Variants in PRKD1 observed in about 807,000 individuals in gnomAD.
PRKD1 encodes the protein protein kinase D1, also known as serine/threonine-protein kinase D1.
Under a neutral mutation model 95.9 loss-of-function variants are expected in PRKD1, and 63 were observed. The observed-to-expected ratio is 0.66, with a 90% CI of 0.54 to 0.81. The LOEUF (loss-of-function observed/expected upper bound fraction) is 0.81, where lower values mean the gene tolerates loss of function less well. Among genes scored for constraint, PRKD1 ranks in the 30% least tolerant of loss-of-function variants. PRKD1 has a pLI of 0.00. For synonymous variants in PRKD1, 425 were observed against 423.1 expected (o/e 1.00, Z -0.05); for missense variants, 1,048 against 1,165.3 (o/e 0.90, Z 1.47).
chr14:29,617,328 T>C lies in PRKD1; in HGVS notation c.1905+6824A>G, dbSNP rs28710393. 5.2e-3 allele frequency among the ~76,000 whole-genome samples: 786 copies of C among 152,294 alleles called. 6 individuals carry two copies. Among genetic ancestry groups the C allele is most frequent in the African/African-American group, 0.018 (747 of 41,552 alleles). On this transcript the variant is annotated intron_variant, in intron 13 of 17. Transcript: ENST00000331968. ...GAGGGATTATAGGTGTGAGCTGGGA[T>C]TATAGGTGTGAGCTACTGTGCCCAG... is the stretch of plus-strand genomic sequence containing the variant.
intron 13 of PRKD1, among the ~76,000 whole-genome samples, chr14:29,600,217 C>A (rs1739873265): frequency 6.6e-6 from 1 of 152,056 alleles, no homozygotes; most frequent in African/African-American, 2.4e-5. Flanking sequence ...AGATGAAATT[C>A]ATACATGTAG....
intron 1 of PRKD1, among the ~76,000 whole-genome samples, chr14:29,767,375 A>G (rs1489922902): frequency 6.6e-6 from 1 of 152,186 alleles, no homozygotes; most frequent in African/African-American, 2.4e-5. Flanking sequence ...TATGCGGCTT[A>G]AATTATAAGG....
At chr14:29,609,255 A>C (rs2139041958) in intron 13 of PRKD1, among the ~76,000 whole-genome samples, 1 of 152,304 alleles carries the variant, frequency 6.6e-6, no homozygotes, top group African/African-American at 2.4e-5. Flanking sequence ...AGTAAGTTGA[A>C]GCATCTCCAT....
At chr14:29,818,236 T>C (rs1890770087) in intron 1 of PRKD1, among the ~76,000 whole-genome samples, 1 of 152,204 alleles carries the variant, frequency 6.6e-6, no homozygotes, top group Non-Finnish European at 1.5e-5. Flanking sequence ...TCTCAATTCA[T>C]GAGTTTAGCT....
At chr14:29,877,942 A>C (rs1893360455) in intron 1 of PRKD1, among the ~76,000 whole-genome samples, 1 of 152,240 alleles carries the variant, frequency 6.6e-6, no homozygotes, top group Non-Finnish European at 1.5e-5. Context: ...CATGAGGTAC[A>C]TATACACCAT....
At chr14:29,776,789 G>C (rs2139154930) in intron 1 of PRKD1, among the ~76,000 whole-genome samples, 1 of 152,234 alleles carries the variant, frequency 6.6e-6, no homozygotes, top group Middle Eastern at 3.4e-3. Flanking sequence ...AGGAAACACA[G>C]AGAACACCAC....
intron 8 of PRKD1, among the ~76,000 whole-genome samples, 184 bp downstream of exon 8, chr14:29,634,234 T>C (rs1880213507): frequency 6.6e-6 from 1 of 152,186 alleles, no homozygotes; most frequent in Admixed American, 6.5e-5. Flanking sequence ...TTTTCCTAAC[T>C]TCGTTGCTTG....
intron 1 of PRKD1, among the ~76,000 whole-genome samples, chr14:29,833,430 C>A (rs1193635933): frequency 6.6e-6 from 1 of 152,078 alleles, no homozygotes; most frequent in Non-Finnish European, 1.5e-5. Flanking sequence ...GGGGCACTTA[C>A]AGCAGCTATG....
intron 1 of PRKD1, among the ~76,000 whole-genome samples, chr14:29,735,825 A>T (rs1886685395): frequency 6.6e-6 from 1 of 152,244 alleles, no homozygotes. Context: ...AATGTAATAA[A>T]TAATTTGGTG....
At chr14:29,806,857 A>G (rs1890256849) in intron 1 of PRKD1, among the ~76,000 whole-genome samples, 1 of 152,164 alleles carries the variant, frequency 6.6e-6, no homozygotes. Context: ...TGCCAGGAAT[A>G]CATTGAACAT....
At chr14:29,648,898 C>T (rs2139169791) in intron 4 of PRKD1, among the ~76,000 whole-genome samples, 1 of 152,252 alleles carries the variant, frequency 6.6e-6, no homozygotes, top group South Asian at 2.1e-4. Flanking sequence ...TCGTGATCCG[C>T]CCGCCTTGGC....
intron 1 of PRKD1, chr14:29,751,244 T>C (rs1334950074): frequency 1.3e-5 from 2 of 152,228 alleles, no homozygotes; most frequent in African/African-American, 4.8e-5. Context: ...CCATCAGGTA[T>C]TTCCAATGCT....
At chr14:29,875,707 G>A (rs1893263232) in intron 1 of PRKD1, among the ~76,000 whole-genome samples, 1 of 152,142 alleles carries the variant, frequency 6.6e-6, no homozygotes, top group African/African-American at 2.4e-5. Flanking sequence ...GTAAGTTTAT[G>A]GTATCATAAG....
intron 1 of PRKD1, among the ~76,000 whole-genome samples, chr14:29,740,997 C>A (rs1886956767): frequency 6.6e-6 from 1 of 152,120 alleles, no homozygotes; most frequent in African/African-American, 2.4e-5. Context: ...AGCAAACTAA[C>A]ACAGGAACAG....
At chr14:29,800,034 A>G (rs1288359806) in intron 1 of PRKD1, among the ~76,000 whole-genome samples, 1 of 152,156 alleles carries the variant, frequency 6.6e-6, no homozygotes, top group Non-Finnish European at 1.5e-5. Context: ...TCACAGAGAA[A>G]ATACATGTGT....
rs544216595 is a variant in PRKD1 at position 29,905,390 on chromosome 14, G to A, written c.264+21859C>T. 4.6e-5 allele frequency among the ~76,000 whole-genome samples: 7 copies of A among 152,160 alleles called. No individual in the cohort carries two copies. In the South Asian group the frequency reaches 1.5e-3, roughly 32 times the overall value. On this transcript the variant is annotated intron_variant, in intron 1 of 17. Transcript: ENST00000331968. The stretch of plus-strand genomic sequence containing the variant: ...ATGGTCTATAATCCAAAACTTAATA[G>A]GAGGAATGCTTTTTGTGTATCAAGA...
chr14:29,894,099 C>T (rs1894034598), intron 1 of PRKD1, among the ~76,000 whole-genome samples: 1 of 152,066 alleles, frequency 6.6e-6, no homozygotes. Flanking sequence ...GAAGGTTTCT[C>T]TGAGGAAGTG....
At chr14:29,808,518 G>A (rs184862995) in intron 1 of PRKD1, among the ~76,000 whole-genome samples, 116 of 149,316 alleles carry the variant, frequency 7.8e-4, no homozygotes, top group African/African-American at 2.7e-3. Context: ...TCCTGCATCA[G>A]CTTCCCAAGT....
At chr14:29,748,658 T>C (rs1887340178) in intron 1 of PRKD1, among the ~76,000 whole-genome samples, 1 of 152,234 alleles carries the variant, frequency 6.6e-6, no homozygotes, top group African/African-American at 2.4e-5. Flanking sequence ...AGGGATCTTG[T>C]CTACAACATT....
Sources: gnomAD v4.1 joint callset for allele counts (sites outside exome capture counted in the v4.1 genomes callset) on GRCh38, gnomAD v4.1.1 for gene constraint, MANE v1.5 for transcripts, NCBI Gene and HGNC (gene_info 2026-07-23, HGNC 2026-07-21) for gene names.